Variants in AP1G1 observed in about 807,000 individuals in gnomAD.
AP1G1 encodes the protein adaptor related protein complex 1 subunit gamma 1, also known as AP-1 complex subunit gamma-1.
In AP1G1, 7 loss-of-function variants were observed where a neutral mutation model predicts 108.3. The observed-to-expected ratio is 0.06, with a 90% CI of 0.04 to 0.12. The LOEUF (loss-of-function observed/expected upper bound fraction) is 0.12. AP1G1 is among the 10% of genes least tolerant of loss of function. AP1G1 has a pLI of 1.00. For synonymous variants in AP1G1, 379 were observed against 353.5 expected, an observed-to-expected ratio of 1.07 and a Z score of -0.81; for missense variants, 756 against 1,010.7, an observed-to-expected ratio of 0.75 and a Z score of 3.42.
At chr16:71,807,892 C>T (rs2142296903) in intron 1 of AP1G1, 1 of 1,283,524 alleles carries the variant, frequency 7.8e-7, no homozygotes, top group Non-Finnish European at 1.0e-6. Flanking sequence ...TGTCAGTAAG[C>T]ACCAAAAAGC....
At chr16:71,805,763 G>A (rs539820553) in intron 1 of AP1G1, among the ~76,000 whole-genome samples, 1 of 152,262 alleles carries the variant, frequency 6.6e-6, no homozygotes, top group South Asian at 2.1e-4. Context: ...GGCCAGGTGA[G>A]GTGGCTCACA....
intron 2 of AP1G1, among the ~76,000 whole-genome samples, chr16:71,778,607 CAGG>C (rs374502893): frequency 7.0e-4 from 105 of 150,170 alleles, no homozygotes; most frequent in African/African-American, 2.5e-3. Flanking sequence ...CACTTGAAAG[CAGG>C]AGGAGTAGGT....
intron 21 of AP1G1, among the ~76,000 whole-genome samples, chr16:71,737,403 C>T (rs994655395): frequency 2.0e-5 from 3 of 152,250 alleles, no homozygotes; most frequent in Non-Finnish European, 4.4e-5. Flanking sequence ...CCCACCTCAG[C>T]CTCCTGAGTA....
In AP1G1 at chr16:71,757,812, A is replaced by C. The variant is rs2030876765; in HGVS notation, c.1088+996T>G. Reference sequence around the variant, plus strand: ...CCCAGTAATGAGCTAGAGAGAAACAACACAAAAAGAGTCAGAAGGCTAATA... The same window carrying C: ...CCCAGTAATGAGCTAGAGAGAAACACCACAAAAAGAGTCAGAAGGCTAATA... On this transcript the variant is annotated intron_variant, in intron 11 of 22. Transcript: ENST00000299980. Among the ~76,000 whole-genome samples the C allele has an allele frequency of 2.0e-5, 3 of 152,172 alleles. No individual in the cohort carries two copies. In the South Asian group the frequency reaches 6.2e-4, roughly 31 times the overall value.
At chr16:71,755,501 A>C (rs918198598) in intron 12 of AP1G1, among the ~76,000 whole-genome samples, 2 of 152,218 alleles carry the variant, frequency 1.3e-5, no homozygotes, top group African/African-American at 4.8e-5. Context: ...ATAAAGGAGA[A>C]GATTTCATAA....
In AP1G1 at chr16:71,739,239, G is replaced by A; in HGVS notation, c.2102C>T (p.Ala701Val). Residue 701 changes from alanine to valine, a missense_variant, in exon 20 of 23, where the codon GCT (alanine) becomes GTT (valine). Transcript: ENST00000299980. ...GGTAACAACAGTCATCGTACCTGCA[G>A]CAATATCATTGAAGAGAGGCTGTGA... ...LSSQPLFNDI[A>V]AGIPSITAYS... 6.2e-7 allele frequency: 1 copy of A among 1,613,140 alleles called. No individual in the cohort carries two copies. Among genetic ancestry groups the A allele is most frequent in the Non-Finnish European group, 8.5e-7 (1 of 1,179,390 alleles).
intron 6 of AP1G1, chr16:71,766,316 A>G (rs1448402513): frequency 5.5e-6 from 2 of 361,846 alleles, no homozygotes; most frequent in African/African-American, 4.3e-5. Flanking sequence ...CAATGAGACT[A>G]TACATTCCTT....
At chr16:71,756,690 T>C (rs1006642073) in intron 11 of AP1G1, among the ~76,000 whole-genome samples, 9 of 152,164 alleles carry the variant, frequency 5.9e-5, no homozygotes, top group Non-Finnish European at 1.2e-4. Flanking sequence ...ACCTGTTTTC[T>C]CACCACTTTG....
rs2033091881 is a variant in AP1G1 at position 71,808,830 on chromosome 16, C to T, written c.-71G>A. 1 of 1,289,438 alleles carries T rather than the reference C, an allele frequency of 7.8e-7. No individual in the cohort carries two copies. Among genetic ancestry groups the T allele is most frequent in the African/African-American group, 1.5e-5 (1 of 65,870 alleles). The allele number at this position is 1,289,438 out of a possible 1,614,324, so 79.9% of individuals were successfully genotyped here. A position where few individuals can be genotyped will look rare whatever the true frequency, so the allele number is the denominator to read the frequency against. On this transcript the variant is annotated 5_prime_UTR_variant, in exon 1 of 23. An upstream start codon of the reference 5' UTR is lost. Coordinates refer to ENST00000299980, the MANE Select transcript of AP1G1 (RefSeq NM_001128.6). ...GGCAGCAGTGGCAGCAGGAACCGAACATCCAAAATGGCGGCTCCCTCGGCC... is the reference window on the plus strand; with the variant it reads ...GGCAGCAGTGGCAGCAGGAACCGAATATCCAAAATGGCGGCTCCCTCGGCC...
At chr16:71,758,623 C>T in intron 11 of AP1G1, 185 bp downstream of exon 11, 1 of 602,938 alleles carries the variant, frequency 1.7e-6, no homozygotes, top group Non-Finnish European at 3.0e-6. Context: ...CTTCTCCCTG[C>T]CAATCCTTTC....
At chr16:71,773,907 C>T (rs12933007) in intron 3 of AP1G1, among the ~76,000 whole-genome samples, 34,274 of 149,794 alleles carry the variant, frequency 0.23, 4,601 homozygotes, top group Non-Finnish European at 0.31. Context: ...GGACTACAGG[C>T]GCACGCCACC....
At chr16:71,749,756 G>T (rs887221902) in intron 15 of AP1G1, 138 bp downstream of exon 15, 1 of 702,964 alleles carries the variant, frequency 1.4e-6, no homozygotes, top group Non-Finnish European at 2.5e-6. Context: ...CTCCCAAAGC[G>T]CTGGGATTAT....
chr16:71,742,619 G>C (rs957408752), intron 19 of AP1G1: 10 of 152,106 alleles, frequency 6.6e-5, no homozygotes, highest in Non-Finnish European at 1.5e-5. Flanking sequence ...TCTAAAATAA[G>C]AACAAATTGA....
chr16:71,794,091 T>C (rs2032497311), intron 1 of AP1G1, among the ~76,000 whole-genome samples: 4 of 152,162 alleles, frequency 2.6e-5, no homozygotes, highest in Non-Finnish European at 5.9e-5. Context: ...TAACATTCAA[T>C]GCACAGGGAA....
chr16:71,774,695 A>T, intron 2 of AP1G1, 103 bp from the exon 3 acceptor site: 4 of 1,230,180 alleles, frequency 3.3e-6, no homozygotes, highest in Non-Finnish European at 4.5e-6. Flanking sequence ...AAAGTAAAGT[A>T]CAAATGTGTT....
Position 71,731,772 on chromosome 16 carries a change from T to C in AP1G1, c.*1286A>G, listed in dbSNP as rs1376274540. 1.3e-5 allele frequency: 2 copies of C among 152,630 alleles called. No individual in the cohort carries two copies. Among genetic ancestry groups the C allele is most frequent in the African/African-American group, 2.4e-5 (1 of 41,454 alleles). 9.5% of individuals were successfully genotyped at this position (152,630 alleles called of 1,614,324 possible). A position where few individuals can be genotyped will look rare whatever the true frequency, so the allele number is the denominator to read the frequency against. On this transcript the variant is annotated 3_prime_UTR_variant, in exon 23 of 23. Coordinates refer to ENST00000299980, the MANE Select transcript of AP1G1 (RefSeq NM_001128.6). Reference sequence around the variant, plus strand: ...TTTAAAAGAGACCAATTTCTCAGACTGAGGAAAGGCTATTCCTACCCTATG... The same window carrying C: ...TTTAAAAGAGACCAATTTCTCAGACCGAGGAAAGGCTATTCCTACCCTATG...
chr16:71,738,541 T>G (rs969597113), intron 21 of AP1G1, among the ~76,000 whole-genome samples: 4 of 152,348 alleles, frequency 2.6e-5, no homozygotes, highest in Admixed American at 2.6e-4. Context: ...TCTGGTTAAC[T>G]AGAAGATAAT....
At chr16:71,746,891 A>T in intron 16 of AP1G1, 199 bp from the exon 17 acceptor site, 1 of 419,232 alleles carries the variant, frequency 2.4e-6, no homozygotes, top group South Asian at 3.4e-5. Flanking sequence ...TCTCATTGTA[A>T]CACTAGATTT....
At chr16:71,785,544 C>T (rs1018096416) in intron 2 of AP1G1, among the ~76,000 whole-genome samples, 4 of 142,416 alleles carry the variant, frequency 2.8e-5, no homozygotes, top group Non-Finnish European at 4.5e-5. Context: ...CATTGTACTC[C>T]AGCCTGAGTG....
Sources: gnomAD v4.1 joint callset for allele counts (sites outside exome capture counted in the v4.1 genomes callset) on GRCh38, gnomAD v4.1.1 for gene constraint, MANE v1.5 for transcripts, NCBI Gene and HGNC (gene_info 2026-07-23, HGNC 2026-07-21) for gene names.